Variants in TMEM132D observed in about 807,000 individuals in gnomAD.
TMEM132D encodes mature OL transmembrane protein.
In TMEM132D, 21 loss-of-function variants were observed where a neutral mutation model predicts 62.3. That is an observed-to-expected ratio of 0.34 (90% CI 0.24 to 0.49). The LOEUF (loss-of-function observed/expected upper bound fraction) is 0.49. TMEM132D is among the 20% of genes least tolerant of loss of function. The pLI, the probability that TMEM132D is intolerant of heterozygous loss-of-function variation, is 0.99. For missense variants in TMEM132D, 1,346 were observed against 1,402.8 expected (o/e 0.96, Z 0.65); for synonymous variants, 621 against 575.6 (o/e 1.08, Z -1.13).
intron 4 of TMEM132D, among the ~76,000 whole-genome samples, chr12:129,265,582 G>A (rs115506680): frequency 0.017 from 2,615 of 152,160 alleles, 71 homozygotes; most frequent in African/African-American, 0.06. Flanking sequence ...GGAGGGTCCT[G>A]CCGTTCGGGC....
At chr12:129,180,922 T>A (rs1053234675) in intron 5 of TMEM132D, among the ~76,000 whole-genome samples, 1 of 152,076 alleles carries the variant, frequency 6.6e-6, no homozygotes, top group Admixed American at 6.6e-5. Context: ...TCTAGAATGT[T>A]TTCTTGGTGG....
At chr12:129,681,300 T>C (rs768037342) in intron 2 of TMEM132D, 15 of 152,226 alleles carry the variant, frequency 9.9e-5, no homozygotes, top group Admixed American at 3.3e-4. Context: ...CTTTATTCTA[T>C]ATCATAATTT....
intron 2 of TMEM132D, among the ~76,000 whole-genome samples, chr12:129,642,291 T>C (rs1879660492): frequency 6.6e-6 from 1 of 152,226 alleles, no homozygotes; most frequent in African/African-American, 2.4e-5. Context: ...TATCATCAGA[T>C]ATCAAGGCCA....
intron 2 of TMEM132D, among the ~76,000 whole-genome samples, chr12:129,686,443 C>T (rs1179091027): frequency 6.6e-6 from 1 of 152,154 alleles, no homozygotes; most frequent in Non-Finnish European, 1.5e-5. Context: ...TGTTTGCTTC[C>T]CCTTCTGCCA....
At chr12:129,204,277 T>G (rs1878785491) in intron 5 of TMEM132D, among the ~76,000 whole-genome samples, 1 of 151,970 alleles carries the variant, frequency 6.6e-6, no homozygotes, top group Non-Finnish European at 1.5e-5. Context: ...CTAAGGAAAT[T>G]AAGAATCACA....
At chr12:129,286,750 A>G (rs984728141) in intron 4 of TMEM132D, among the ~76,000 whole-genome samples, 1 of 152,208 alleles carries the variant, frequency 6.6e-6, no homozygotes, top group Non-Finnish European at 1.5e-5. Context: ...ACATTGGCCA[A>G]TAAAAGGAGA....
At chr12:129,741,453 C>T (rs879480170) in intron 1 of TMEM132D, among the ~76,000 whole-genome samples, 2 of 152,186 alleles carry the variant, frequency 1.3e-5, no homozygotes, top group Non-Finnish European at 2.9e-5. Context: ...TCCTTAACCA[C>T]CTGCTACTCA....
intron 3 of TMEM132D, among the ~76,000 whole-genome samples, chr12:129,456,731 G>T (rs1873482187): frequency 6.6e-6 from 1 of 152,100 alleles, no homozygotes; most frequent in African/African-American, 2.4e-5. Flanking sequence ...TCCACCCAAT[G>T]GTCATCCCAG....
intron 5 of TMEM132D, among the ~76,000 whole-genome samples, chr12:129,173,475 A>AGTC (rs1877796510): frequency 6.6e-6 from 1 of 152,220 alleles, no homozygotes; most frequent in Non-Finnish European, 1.5e-5. Flanking sequence ...TTTTGTCCAA[A>AGTC]GTCATGCTTT....
rs566631896 is a variant in TMEM132D, at chr12:129,754,609, G to A, written c.80-53911C>T. The stretch of plus-strand genomic sequence containing the variant: ...CAGGCGGGACACAGTAGAGGGCAGA[G>A]GAGAAGACACCTTCCCTTGACCTGA... On this transcript the variant is annotated intron_variant, in intron 1 of 8. Coordinates refer to ENST00000422113, the MANE Select transcript of TMEM132D (RefSeq NM_133448.3). Among the ~76,000 whole-genome samples the A allele has an allele frequency of 8.8e-4, 134 of 152,264 alleles. 2 individuals are homozygous for A. The highest frequency in any genetic ancestry group is 1.5e-3 in the Non-Finnish European group (103 of 68,020).
At chr12:129,563,934 G>A (rs190460782) in intron 2 of TMEM132D, among the ~76,000 whole-genome samples, 4 of 152,316 alleles carry the variant, frequency 2.6e-5, no homozygotes, top group Admixed American at 1.3e-4. Flanking sequence ...AGCGTTTGGG[G>A]ATAAAGGAAA....
At chr12:129,461,763 G>A (rs1873684132) in intron 3 of TMEM132D, among the ~76,000 whole-genome samples, 1 of 152,026 alleles carries the variant, frequency 6.6e-6, no homozygotes, top group East Asian at 1.9e-4. Context: ...ATGGATGGAC[G>A]GGCGGACTGA....
chr12:129,386,435 A>G (rs928977685), intron 3 of TMEM132D, among the ~76,000 whole-genome samples: 2 of 152,118 alleles, frequency 1.3e-5, no homozygotes, highest in African/African-American at 4.8e-5. Context: ...TGCCAACACC[A>G]ACACCAATAC....
chr12:129,358,855 C>G (rs1284200739), intron 3 of TMEM132D, among the ~76,000 whole-genome samples: 1 of 151,842 alleles, frequency 6.6e-6, no homozygotes, highest in Non-Finnish European at 1.5e-5. Context: ...GAAAATGGAC[C>G]AGAAAAACAA....
chr12:129,149,828 C>T (rs956379460), intron 5 of TMEM132D, among the ~76,000 whole-genome samples: 3 of 152,092 alleles, frequency 2.0e-5, no homozygotes, highest in Non-Finnish European at 4.4e-5. Flanking sequence ...AGATAGACAG[C>T]GGAAATAGAA....
intron 2 of TMEM132D, among the ~76,000 whole-genome samples, chr12:129,535,794 G>A (rs1876371340): frequency 6.6e-6 from 1 of 151,738 alleles, no homozygotes; most frequent in South Asian, 2.1e-4. Flanking sequence ...GTGTGTGTGT[G>A]TGTGTGTGTG....
intron 2 of TMEM132D, among the ~76,000 whole-genome samples, chr12:129,541,621 G>A (rs73155273): frequency 6.6e-6 from 1 of 152,004 alleles, no homozygotes; most frequent in Admixed American, 6.5e-5. Flanking sequence ...ACCAATAAAC[G>A]ACAACACATT....
At chr12:129,077,899 T>C (rs749881556) in intron 8 of TMEM132D, among the ~76,000 whole-genome samples, 7 of 151,532 alleles carry the variant, frequency 4.6e-5, no homozygotes, top group Non-Finnish European at 7.4e-5. Context: ...AAACAACATA[T>C]ATGTACACAA....
At chr12:129,453,232 A>C (rs759640275) in intron 3 of TMEM132D, among the ~76,000 whole-genome samples, 1 of 152,218 alleles carries the variant, frequency 6.6e-6, no homozygotes, top group Non-Finnish European at 1.5e-5. Context: ...CCCTGGTGCC[A>C]AAAAGATTGG....
Sources: allele counts gnomAD v4.1 joint callset (sites outside exome capture counted in the v4.1 genomes callset), GRCh38; gene constraint gnomAD v4.1.1; transcripts MANE v1.5; gene names NCBI Gene and HGNC (gene_info 2026-07-23, HGNC 2026-07-21).